The following TAF4B variants were observed in gnomAD, a reference collection of about 807,000 sequenced individuals.
TAF4B encodes transcription initiation factor TFIID subunit 4B.
A neutral mutation model predicts 86.4 loss-of-function variants in TAF4B; 38 were observed. The observed-to-expected ratio is 0.44, with a 90% confidence interval of 0.34 to 0.58. The LOEUF is 0.58. Among genes scored for constraint, TAF4B ranks in the 20% least tolerant of loss-of-function variants. The probability of loss-of-function intolerance (pLI) is 0.02; values close to 1 mark genes in which losing one functional copy is unlikely to be tolerated. For missense variants in TAF4B, 988 were observed against 1,027.6 expected, an observed-to-expected ratio of 0.96 and a Z score of 0.53; for synonymous variants, 388 against 391.2, an observed-to-expected ratio of 0.99 and a Z score of 0.10.
chr18:26,346,889 A>ATTTGGGTG (rs1402204315), intron 13 of TAF4B, among the ~76,000 whole-genome samples: 1 of 15,346 alleles, frequency 6.5e-5, no homozygotes, highest in African/African-American at 1.6e-4. Context: ...ATATATATAT[A>ATTTGGGTG]TATATATATA....
intron 5 of TAF4B, 40 bp from the exon 6 acceptor site, chr18:26,281,931 T>G: frequency 1.4e-6 from 2 of 1,440,896 alleles, no homozygotes; most frequent in South Asian, 1.2e-5. Flanking sequence ...TTTAAAAGAT[T>G]TGTAGACTTA....
intron 12 of TAF4B, among the ~76,000 whole-genome samples, chr18:26,330,303 A>G (rs914186965): frequency 6.6e-6 from 1 of 152,082 alleles, no homozygotes; most frequent in African/African-American, 2.4e-5. Context: ...ACTGTCATTT[A>G]TTTTGTTGCT....
chr18:26,354,967 T>G (rs372963573), intron 13 of TAF4B, among the ~76,000 whole-genome samples: 2 of 152,218 alleles, frequency 1.3e-5, no homozygotes, highest in East Asian at 3.8e-4. Flanking sequence ...GTGTTAAGTC[T>G]GTGGATGAAT....
chr18:26,337,370 A>G (rs905281235), intron 13 of TAF4B, among the ~76,000 whole-genome samples: 1 of 149,698 alleles, frequency 6.7e-6, no homozygotes, highest in Non-Finnish European at 1.5e-5. Context: ...GGTAGTGTAT[A>G]TTGTTTGATT....
intron 1 of TAF4B, among the ~76,000 whole-genome samples, chr18:26,249,190 G>C (rs1211646506): frequency 6.7e-6 from 1 of 150,116 alleles, no homozygotes; most frequent in East Asian, 1.9e-4. Flanking sequence ...AAAAAAAAGA[G>C]GAACCTGGCT....
chr18:26,289,101 C>T (rs2056561124), intron 7 of TAF4B, among the ~76,000 whole-genome samples: 1 of 152,152 alleles, frequency 6.6e-6, no homozygotes, highest in South Asian at 2.1e-4. Flanking sequence ...ATAAACCATT[C>T]TATATGGTAA....
chr18:26,312,756 G>C (rs1191962512), intron 9 of TAF4B, among the ~76,000 whole-genome samples: 2 of 152,094 alleles, frequency 1.3e-5, no homozygotes, highest in Non-Finnish European at 2.9e-5. Context: ...ACTCAGTGTT[G>C]TATGTATATG....
chr18:26,239,802 A>T (rs879352448), intron 1 of TAF4B, among the ~76,000 whole-genome samples: 38 of 152,220 alleles, frequency 2.5e-4, no homozygotes, highest in Non-Finnish European at 4.9e-4. Flanking sequence ...AGCTTTCTAC[A>T]TATGGCTAGC....
intron 5 of TAF4B, among the ~76,000 whole-genome samples, chr18:26,281,716 A>G (rs1478288): frequency 0.93 from 141,874 of 152,006 alleles, 66,494 homozygotes; most frequent in East Asian, 0.99. Flanking sequence ...GTATTACTTA[A>G]CCCATCAGCT....
chr18:26,290,596 A>G (rs56082526), intron 7 of TAF4B, among the ~76,000 whole-genome samples: 68 of 152,200 alleles, frequency 4.5e-4, no homozygotes, highest in Non-Finnish European at 8.4e-4. Context: ...TTGGTGGTCT[A>G]TTGGGATAGT....
In TAF4B at chr18:26,227,000, G is replaced by A. The variant is rs962527222; in HGVS notation, c.67G>A (p.Val23Met). The change falls in exon 1 of 15, where the codon GTG becomes ATG. Residue 23 changes from valine (V) to methionine (M), a missense_variant. Coordinates refer to ENST00000269142, the MANE Select transcript of TAF4B (RefSeq NM_005640.3). ...GGCTGCTGTGAGCGCCTCGGGGACC[G>A]TGACCATGGCCCCGGCCGGGGCGCT... The part of the protein sequence containing the change: ...PPAAVSASGT[V>M]TMAPAGALPV... 2 of 1,440,424 alleles carry A rather than the reference G, an allele frequency of 1.4e-6. No homozygotes were observed. The highest frequency in any genetic ancestry group is 2.8e-5 in the East Asian group (1 of 35,130). 89.2% of individuals were successfully genotyped at this position (1,440,424 alleles called of 1,614,324 possible).
chr18:26,354,282 C>G (rs1047816904), intron 13 of TAF4B, among the ~76,000 whole-genome samples: 8 of 152,296 alleles, frequency 5.3e-5, no homozygotes, highest in South Asian at 2.1e-4. Context: ...CCCTGTTGGC[C>G]AGGCTGGTGC....
At chr18:26,279,380 T>G (rs2056419209) in intron 5 of TAF4B, among the ~76,000 whole-genome samples, 1 of 152,028 alleles carries the variant, frequency 6.6e-6, no homozygotes, top group African/African-American at 2.4e-5. Context: ...GCTTATGGAC[T>G]GAAAGAATTG....
intron 1 of TAF4B, among the ~76,000 whole-genome samples, chr18:26,236,756 G>A (rs138087385): frequency 5.3e-5 from 8 of 152,062 alleles, no homozygotes; most frequent in Non-Finnish European, 8.8e-5. Flanking sequence ...TTTCCTTTTC[G>A]TCCTGTTCCT....
intron 10 of TAF4B, among the ~76,000 whole-genome samples, chr18:26,319,427 G>A (rs913435604): frequency 3.4e-5 from 5 of 148,322 alleles, no homozygotes; most frequent in Admixed American, 2.7e-4. Flanking sequence ...TTGAACCTGG[G>A]AGGCAAAGGT....
intron 1 of TAF4B, among the ~76,000 whole-genome samples, chr18:26,249,031 G>A (rs1378384628): frequency 2.0e-5 from 3 of 151,704 alleles, no homozygotes; most frequent in African/African-American, 4.8e-5. Context: ...AATTAGCTGG[G>A]CGTGGTGGTA....
intron 1 of TAF4B, among the ~76,000 whole-genome samples, chr18:26,250,202 T>C (rs1220024263): frequency 6.6e-6 from 1 of 152,008 alleles, no homozygotes; most frequent in East Asian, 1.9e-4. Flanking sequence ...CTTAGCTAAT[T>C]ATAAAAATTT....
At chr18:26,243,964 C>G (rs952339874) in intron 1 of TAF4B, among the ~76,000 whole-genome samples, 2 of 152,210 alleles carry the variant, frequency 1.3e-5, no homozygotes, top group Non-Finnish European at 2.9e-5. Context: ...CAGAGGGGCA[C>G]CTGGCTGTAT....
chr18:26,280,410 A>G (rs2056433715), intron 5 of TAF4B, among the ~76,000 whole-genome samples: 1 of 152,226 alleles, frequency 6.6e-6, no homozygotes. Flanking sequence ...TTTGCGAACT[A>G]TATATCTGAC....
Sources: allele counts gnomAD v4.1 joint callset (sites outside exome capture counted in the v4.1 genomes callset), GRCh38; gene constraint gnomAD v4.1.1; transcripts MANE v1.5; gene names NCBI Gene and HGNC (gene_info 2026-07-23, HGNC 2026-07-21).